NAT1: variants seen among roughly 807,000 people sequenced by gnomAD.
NAT1 encodes N-acetyltransferase 1.
For missense variants in NAT1, 400 were observed against 339.2 expected (o/e 1.18, Z -1.41); for synonymous variants, 144 against 122.6 (o/e 1.17, Z -1.16).
intron 1 of NAT1, 22 bp from the exon 2 acceptor site, chr8:18,219,389 C>T: frequency 1.3e-6 from 2 of 1,489,028 alleles, no homozygotes; most frequent in Non-Finnish European, 1.8e-6. Context: ...ATATTTCTGA[C>T]TGTCTTTTCT....
intron 2 of NAT1, among the ~76,000 whole-genome samples, chr8:18,187,847 A>C (rs1279185508): frequency 6.6e-6 from 1 of 151,924 alleles, no homozygotes; most frequent in Admixed American, 6.6e-5. Flanking sequence ...TATGCCCCGG[A>C]ACCTAAAAGT....
Position 18,219,443 on chromosome 8 carries a change from T to TC in NAT1, c.-52dup. ...GCCAGGAAGAAGCAGCAATCTGTCT[T>TC]CTGGATTAAAACTGAAGATCAACCT... On this transcript the variant is annotated 5_prime_UTR_variant, in exon 2 of 3. Transcript: ENST00000307719. 5 of 1,550,634 alleles carry TC rather than the reference T, an allele frequency of 3.2e-6. No homozygotes were observed. Among genetic ancestry groups the TC allele is most frequent in the Non-Finnish European group, 4.4e-6 (5 of 1,146,482 alleles).
Position 18,187,936 on chromosome 8 carries a change from AACACACAC to A in NAT1, n.92+17234_92+17241del, listed in dbSNP as rs35203470. 5.0e-3 allele frequency among the ~76,000 whole-genome samples: 681 copies of A among 137,496 alleles called. 2 individuals are homozygous for A. Among genetic ancestry groups the A allele is most frequent in the African/African-American group, 5.5e-3 (207 of 37,572 alleles). 90.2% of individuals were successfully genotyped at this position (137,496 alleles called of 152,430 possible). ...TTGTATGCTATTATCTTGTATCTTA[AACACACAC>A]ACACACACACACACACACACACACA... On this transcript the variant is annotated intron_variant and non_coding_transcript_variant, in intron 2 of 4. Transcript: ENST00000517441.
chr8:18,174,368 T>C (rs1217775903), intron 2 of NAT1, among the ~76,000 whole-genome samples: 1 of 152,110 alleles, frequency 6.6e-6, no homozygotes, highest in Non-Finnish European at 1.5e-5. Context: ...AGCTTTCCAC[T>C]CATTCACTGA....
upstream of NAT1, among the ~76,000 whole-genome samples, chr8:18,207,954 T>C (rs371473323): frequency 6.8e-4 from 104 of 152,330 alleles, no homozygotes; most frequent in African/African-American, 2.4e-3. Flanking sequence ...AATCAGATCA[T>C]GTCCTTTGCA....
intron 2 of NAT1, among the ~76,000 whole-genome samples, chr8:18,204,298 G>T (rs1330399104): frequency 1.3e-5 from 2 of 152,108 alleles, no homozygotes; most frequent in East Asian, 1.9e-4. Flanking sequence ...GAACGCCAGG[G>T]TATATACCCC....
chr8:18,193,631 CTTTTTT>C (rs796247875), intron 2 of NAT1, among the ~76,000 whole-genome samples: 1 of 57,566 alleles, frequency 1.7e-5, no homozygotes, highest in East Asian at 5.7e-4. Flanking sequence ...TGTAAACCTG[CTTTTTT>C]TTTTTTTTTT....
intron 1 of NAT1, among the ~76,000 whole-genome samples, chr8:18,213,554 A>T (rs1043926094): frequency 2.0e-5 from 3 of 152,044 alleles, no homozygotes. Context: ...CACTCTAACC[A>T]ACCAAATAGC....
At position 18,222,507 on chromosome 8, in the gene NAT1, G is replaced by T. The variant is rs566014052; in HGVS notation, c.460G>T (p.Glu154Ter). 2 of 1,614,092 alleles carry T rather than the reference G, an allele frequency of 1.2e-6. No homozygotes were observed. Among genetic ancestry groups the T allele is most frequent in the South Asian group, 1.1e-5 (1 of 91,076 alleles). Residue 154 changes from glutamate to a stop codon, truncating the protein, a stop_gained, in exon 3 of 3, where the codon GAA becomes TAA. Transcript: ENST00000307719. LOFTEE classifies it low-confidence loss of function (END_TRUNC). ...GGTGCCTTGTGTCTTCCGTTTGACG[G>T]AAGAGAATGGATTCTGGTATCTAGA... is the stretch of plus-strand genomic sequence containing the variant. Reference protein sequence around the residue: ...PQVPCVFRLTEENGFWYLDQI... With the variant: ...PQVPCVFRLT
At position 18,222,216 on chromosome 8, in the gene NAT1, G is replaced by T; in HGVS notation, c.169G>T (p.Asp57Tyr). The stretch of plus-strand genomic sequence containing the variant: ...GGACTTAGGCTTAGAGGCCATTTTT[G>T]ATCAAGTTGTGAGAAGAAATCGGGG... ...AMDLGLEAIF[D>Y]QVVRRNRGGW... Residue 57 changes from aspartate (D) to tyrosine (Y), a missense_variant, in exon 3 of 3, where the codon GAT becomes TAT. Transcript: ENST00000307719. 2 of 1,614,082 alleles carry T rather than the reference G, an allele frequency of 1.2e-6. No homozygotes were observed. The highest frequency in any genetic ancestry group is 1.7e-6 in the Non-Finnish European group (2 of 1,179,992).
chr8:18,191,181 C>A (rs1299605950), intron 2 of NAT1, among the ~76,000 whole-genome samples: 4 of 152,118 alleles, frequency 2.6e-5, no homozygotes. Context: ...CATACAATAT[C>A]CTTAATTAAG....
intron 2 of NAT1, among the ~76,000 whole-genome samples, chr8:18,173,146 G>GCACACACACACACACACA (rs3038965): frequency 1.6e-4 from 23 of 146,634 alleles, no homozygotes; most frequent in African/African-American, 5.4e-4. Flanking sequence ...ACACAGAGAT[G>GCACACACACACACACACA]CACACACACA....
chr8:18,174,748 GT>G (rs1802222532), intron 2 of NAT1, among the ~76,000 whole-genome samples: 1 of 152,070 alleles, frequency 6.6e-6, no homozygotes, highest in Admixed American at 6.6e-5. Context: ...GAAACCCAGG[GT>G]TTTTTCTAGC....
intron 1 of NAT1, chr8:18,216,908 C>A: frequency 6.4e-7 from 1 of 1,551,136 alleles, no homozygotes; most frequent in Admixed American, 2.0e-5. Flanking sequence ...TGTTATTACT[C>A]TTACACAAGG....
chr8:18,213,262 T>C (rs1310722612), intron 1 of NAT1, among the ~76,000 whole-genome samples: 1 of 152,088 alleles, frequency 6.6e-6, no homozygotes, highest in African/African-American at 2.4e-5. Flanking sequence ...AATTTTTTTT[T>C]CAATGTTTTT....
chr8:18,177,768 G>C (rs532351960), intron 2 of NAT1, among the ~76,000 whole-genome samples: 1 of 152,192 alleles, frequency 6.6e-6, no homozygotes, highest in South Asian at 2.1e-4. Flanking sequence ...TTTAGATTAC[G>C]CAGGTTGCAA....
At chr8:18,214,716 G>T (rs528568285) in intron 1 of NAT1, among the ~76,000 whole-genome samples, 27 of 151,976 alleles carry the variant, frequency 1.8e-4, no homozygotes, top group Non-Finnish European at 3.2e-4. Context: ...AAATCCAGGG[G>T]TACATGTACA....
At chr8:18,172,748 G>A (rs1046465805) in intron 2 of NAT1, among the ~76,000 whole-genome samples, 45 of 152,110 alleles carry the variant, frequency 3.0e-4, no homozygotes, top group African/African-American at 1.1e-3. Flanking sequence ...TTCATGGTTT[G>A]TATTTAATAC....
intron 2 of NAT1, among the ~76,000 whole-genome samples, chr8:18,192,064 G>T (rs1374179722): frequency 6.6e-6 from 1 of 151,162 alleles, no homozygotes; most frequent in Non-Finnish European, 1.5e-5. Context: ...CCTACAAAAT[G>T]GGAGAAAATT....
Sources: allele counts gnomAD v4.1 joint callset (sites outside exome capture counted in the v4.1 genomes callset), GRCh38; gene constraint gnomAD v4.1.1; transcripts MANE v1.5; gene names NCBI Gene and HGNC (gene_info 2026-07-23, HGNC 2026-07-21).